Variants in MAF observed in about 807,000 individuals in gnomAD.
MAF encodes MAF bZIP transcription factor.
Under a neutral mutation model 22.0 loss-of-function variants are expected in MAF, and 10 were observed. That is an observed-to-expected ratio of 0.45 (90% CI 0.28 to 0.77). MAF has a LOEUF of 0.77. Among genes scored for constraint, MAF ranks in the 30% least tolerant of loss-of-function variants. The pLI, the probability that MAF is intolerant of heterozygous loss-of-function variation, is 0.12. For missense variants in MAF, 544 were observed against 548.4 expected (o/e 0.99, Z 0.08); for synonymous variants, 337 against 255.8 (o/e 1.32, Z -3.03).
At chr16:79,409,285 C>A in the MAF span, among the ~76,000 whole-genome samples, 15 of 152,130 alleles carry the variant, frequency 9.9e-5, no homozygotes, top group Admixed American at 5.9e-4. Flanking sequence ...AGTCAGCGAT[C>A]CAAACGTTGG....
the MAF span, among the ~76,000 whole-genome samples, chr16:79,209,061 G>T: frequency 1.3e-5 from 2 of 152,196 alleles, no homozygotes; most frequent in Non-Finnish European, 2.9e-5. Flanking sequence ...TACAAAGCCA[G>T]AGCCACTTGT....
chr16:79,358,260 G>T, the MAF span, among the ~76,000 whole-genome samples: 3 of 152,146 alleles, frequency 2.0e-5, no homozygotes, highest in Admixed American at 6.5e-5. Context: ...GGGGCTGGGG[G>T]GTCCTGGTCG....
chr16:79,382,782 T>C, the MAF span, among the ~76,000 whole-genome samples: 3 of 152,230 alleles, frequency 2.0e-5, no homozygotes, highest in South Asian at 2.1e-4. Flanking sequence ...ATTCATAAAA[T>C]GGTGCATTTA....
the MAF span, among the ~76,000 whole-genome samples, chr16:79,465,955 C>T: frequency 1.3e-5 from 2 of 152,266 alleles, no homozygotes; most frequent in South Asian, 2.1e-4. Flanking sequence ...TTTTGCAGAT[C>T]TCTTGGGCTT....
chr16:79,252,501 T>G, the MAF span, among the ~76,000 whole-genome samples: 2 of 152,118 alleles, frequency 1.3e-5, no homozygotes, highest in South Asian at 4.2e-4. Flanking sequence ...TTTTTTTCTT[T>G]TTTTTCGAGA....
At chr16:79,361,342 A>G in the MAF span, among the ~76,000 whole-genome samples, 1 of 152,156 alleles carries the variant, frequency 6.6e-6, no homozygotes, top group African/African-American at 2.4e-5. Context: ...GAAATCACCA[A>G]TGATTGGGAA....
At position 79,598,852 on chromosome 16, in the gene MAF, A is replaced by G. The variant is rs373128580; in HGVS notation, c.1051T>C (p.Leu351=). 56 of 1,613,372 alleles carry G rather than the reference A, an allele frequency of 3.5e-5. No homozygotes were observed. Among genetic ancestry groups the G allele is most frequent in the Middle Eastern group, 1.6e-4 (1 of 6,062 alleles). ...TTTTCTCGGAAGCCGCTGCTCACCA[A>G]CTTCTCGTATTTCTCCTTGTACGCG... is the stretch of plus-strand genomic sequence containing the variant. ...RDAYKEKYEK[L]VSSGFRENGS... Residue 351 remains leucine (L), a synonymous_variant, in exon 1 of 2, where the codon TTG becomes CTG. Coordinates refer to ENST00000326043, the MANE Select transcript of MAF (RefSeq NM_005360.5).
the MAF span, among the ~76,000 whole-genome samples, chr16:79,274,937 G>A: frequency 1.3e-5 from 2 of 152,164 alleles, no homozygotes; most frequent in South Asian, 4.1e-4. Context: ...TGTGTATGTT[G>A]CCTAAACTCT....
chr16:79,427,617 C>T, the MAF span, among the ~76,000 whole-genome samples: 6 of 152,052 alleles, frequency 3.9e-5, no homozygotes, highest in South Asian at 2.1e-4. Flanking sequence ...TCCCTTACCC[C>T]GAAGGCCCTC....
At chr16:79,221,650 G>A in the MAF span, among the ~76,000 whole-genome samples, 2 of 152,098 alleles carry the variant, frequency 1.3e-5, no homozygotes, top group Admixed American at 1.3e-4. Context: ...TTCATCATCT[G>A]GACAGCTGAT....
the MAF span, among the ~76,000 whole-genome samples, chr16:79,228,874 C>A: frequency 7.2e-5 from 11 of 151,838 alleles, no homozygotes; most frequent in African/African-American, 2.2e-4. Flanking sequence ...TGTACATAGA[C>A]TACAGTGAGA....
the MAF span, among the ~76,000 whole-genome samples, chr16:79,386,543 G>A: frequency 1.3e-5 from 2 of 152,150 alleles, no homozygotes; most frequent in Non-Finnish European, 2.9e-5. Flanking sequence ...ACCTCCTGCT[G>A]TGTGGCCTGG....
chr16:79,499,120 A>G, the MAF span, among the ~76,000 whole-genome samples: 1,954 of 152,310 alleles, frequency 0.013, 43 homozygotes, highest in African/African-American at 0.044. Flanking sequence ...CCAACTTGCA[A>G]TCTCCATTGT....
chr16:79,211,991 T>C, the MAF span: 11 of 1,534,804 alleles, frequency 7.2e-6, no homozygotes, highest in East Asian at 9.8e-5. Context: ...AGTATCACTT[T>C]TCTGGGGCTG....
At chr16:79,575,471 G>T in the MAF span, among the ~76,000 whole-genome samples, 1 of 152,196 alleles carries the variant, frequency 6.6e-6, no homozygotes, top group Non-Finnish European at 1.5e-5. Context: ...CTGGACAAGA[G>T]ATGAACACCT....
intron 1 of MAF, chr16:79,596,948 A>C: frequency 9.5e-7 from 1 of 1,050,208 alleles, no homozygotes. Flanking sequence ...CAAATACTTT[A>C]ATTTTGAAAA....
chr16:79,530,319 T>A, the MAF span, among the ~76,000 whole-genome samples: 2 of 152,094 alleles, frequency 1.3e-5, no homozygotes, highest in African/African-American at 2.4e-5. Flanking sequence ...TGGACCTACA[T>A]CCATAGTCAT....
chr16:79,500,765 T>C, the MAF span, among the ~76,000 whole-genome samples: 70 of 152,286 alleles, frequency 4.6e-4, no homozygotes, highest in African/African-American at 1.6e-3. Flanking sequence ...CCAGTAGAGA[T>C]GCAGACTGAC....
At chr16:79,265,436 A>G in the MAF span, among the ~76,000 whole-genome samples, 1 of 152,116 alleles carries the variant, frequency 6.6e-6, no homozygotes, top group East Asian at 1.9e-4. Flanking sequence ...CGAATAAGTG[A>G]CTCTAAGGAA....
Sources: allele counts gnomAD v4.1 joint callset (sites outside exome capture counted in the v4.1 genomes callset), GRCh38; gene constraint gnomAD v4.1.1; transcripts MANE v1.5; gene names NCBI Gene and HGNC (gene_info 2026-07-23, HGNC 2026-07-21).